The following HDAC9 variants were observed in gnomAD, a reference collection of about 807,000 sequenced individuals.
HDAC9 encodes the protein MEF-2 interacting transcription repressor (MITR) protein.
A neutral mutation model predicts 139.4 loss-of-function variants in HDAC9; 41 were observed. The observed-to-expected ratio is 0.29, with a 90% confidence interval of 0.23 to 0.38. The LOEUF (loss-of-function observed/expected upper bound fraction) is 0.38. Ranked by LOEUF, HDAC9 falls within the 10% of genes least tolerant of loss-of-function variation. HDAC9 has a pLI of 1.00. For missense variants in HDAC9, 1,147 were observed against 1,297.0 expected, an observed-to-expected ratio of 0.88 and a Z score of 1.78; for synonymous variants, 517 against 476.2, an observed-to-expected ratio of 1.09 and a Z score of -1.12.
At chr7:18,904,598 T>TTG (rs1491166667) in intron 22 of HDAC9, among the ~76,000 whole-genome samples, 2 of 88,218 alleles carry the variant, frequency 2.3e-5, no homozygotes, top group East Asian at 7.6e-4. Context: ...TTTTTTTTTT[T>TTG]AGATGGAGTC....
chr7:18,932,171 T>G (rs1363746160), intron 22 of HDAC9, among the ~76,000 whole-genome samples: 2 of 152,184 alleles, frequency 1.3e-5, no homozygotes, highest in Non-Finnish European at 2.9e-5. Flanking sequence ...AAAATTCAAT[T>G]GATTTAAAAA....
intron 2 of HDAC9, among the ~76,000 whole-genome samples, chr7:18,225,304 C>A (rs1792980325): frequency 6.6e-6 from 1 of 152,158 alleles, no homozygotes; most frequent in African/African-American, 2.4e-5. Context: ...TGCACTACCT[C>A]TTTTTATGAA....
At chr7:18,303,375 TTGTGTGTGTGTGTGTGTGTGTGTG>T (rs71014320) in intron 1 of HDAC9, among the ~76,000 whole-genome samples, 3,668 of 127,784 alleles carry the variant, frequency 0.029, 70 homozygotes, top group Middle Eastern at 0.086. Flanking sequence ...CCCAGCCAAT[TTGTGTGTGTGTGTGTGTGTGTGTG>T]TGTGTGTGTG....
chr7:18,791,481 T>C (rs1195908847), intron 16 of HDAC9, among the ~76,000 whole-genome samples: 2 of 152,180 alleles, frequency 1.3e-5, no homozygotes, highest in Non-Finnish European at 2.9e-5. Flanking sequence ...TACACAAAGC[T>C]TAAACAACTA....
chr7:18,522,967 C>T (rs1393720657), intron 2 of HDAC9, among the ~76,000 whole-genome samples: 1 of 152,096 alleles, frequency 6.6e-6, no homozygotes, highest in African/African-American at 2.4e-5. Flanking sequence ...AGCACATTGT[C>T]TAGAGTGGAG....
At chr7:18,668,542 AT>A (rs945145158) in intron 12 of HDAC9, 2 of 976,728 alleles carry the variant, frequency 2.0e-6, no homozygotes, top group African/African-American at 3.5e-5. Context: ...AAAAAAAACT[AT>A]TTTTTATAAT....
intron 13 of HDAC9, among the ~76,000 whole-genome samples, chr7:18,731,405 C>T (rs990814226): frequency 6.6e-6 from 1 of 152,114 alleles, no homozygotes; most frequent in Non-Finnish European, 1.5e-5. Flanking sequence ...AGTTATTTAA[C>T]ACAAAAGTCA....
intron 12 of HDAC9, among the ~76,000 whole-genome samples, chr7:18,700,598 A>G (rs1783399527): frequency 1.3e-5 from 2 of 152,236 alleles, no homozygotes; most frequent in Admixed American, 1.3e-4. Context: ...TCAGCCCAAA[A>G]CATAATGAAA....
At chr7:18,400,554 A>C (rs1787446261) in intron 1 of HDAC9, among the ~76,000 whole-genome samples, 1 of 152,150 alleles carries the variant, frequency 6.6e-6, no homozygotes, top group South Asian at 2.1e-4. Context: ...GATAGCCGGG[A>C]GGTATGAATG....
At chr7:18,232,039 A>ACCT (rs2128184073) in intron 2 of HDAC9, among the ~76,000 whole-genome samples, 1 of 152,342 alleles carries the variant, frequency 6.6e-6, no homozygotes, top group Admixed American at 6.5e-5. Context: ...TGCATTTGTG[A>ACCT]TTTTTGTTGC....
At chr7:18,099,226 G>A (rs1453952081) in intron 1 of HDAC9, among the ~76,000 whole-genome samples, 2 of 152,112 alleles carry the variant, frequency 1.3e-5, no homozygotes, top group Non-Finnish European at 2.9e-5. Flanking sequence ...TTGGGAGGCC[G>A]AGGCAGGTGT....
chr7:18,759,246 T>C (rs908866783), intron 14 of HDAC9, among the ~76,000 whole-genome samples: 6 of 152,096 alleles, frequency 3.9e-5, no homozygotes, highest in African/African-American at 1.4e-4. Flanking sequence ...CACGGACCAC[T>C]ACTGGTCCAT....
chr7:18,975,638 T>G (rs756322597), intron 24 of HDAC9, among the ~76,000 whole-genome samples, 168 bp from the exon 25 acceptor site: 2 of 152,190 alleles, frequency 1.3e-5, no homozygotes, highest in Non-Finnish European at 2.9e-5. Flanking sequence ...TTGGCATTCT[T>G]ATATTGAGAA....
intron 23 of HDAC9, among the ~76,000 whole-genome samples, chr7:18,946,036 CAAAAAAAAAAAAAAAAAAAAAA>C (rs1171055959): frequency 2.4e-4 from 9 of 38,274 alleles, no homozygotes; most frequent in East Asian, 1.5e-3. Context: ...GACTCCGTCT[CAAAAAAAAAAAAAAAAAAAAAA>C]AAAAAAAAAA....
At chr7:18,917,416 A>G (rs1032585460) in intron 22 of HDAC9, among the ~76,000 whole-genome samples, 2 of 152,030 alleles carry the variant, frequency 1.3e-5, no homozygotes, top group African/African-American at 4.8e-5. Flanking sequence ...AAAATCTCAC[A>G]AATAAATTGA....
Position 18,998,113 on chromosome 7 carries a change from A to C in HDAC9, c.*2051A>C, listed in dbSNP as rs1228219665. The C allele has an allele frequency of 6.6e-6, 1 of 151,960 alleles. No homozygotes were observed. Among genetic ancestry groups the C allele is most frequent in the Non-Finnish European group, 1.5e-5 (1 of 67,988 alleles). The allele number at this position is 151,960 out of a possible 1,614,324, so 9.4% of individuals were successfully genotyped here. A position where few individuals can be genotyped will look rare whatever the true frequency, so the allele number is the denominator to read the frequency against. ...AGTAGAGCCAAAGGCTTAACAAAAG[A>C]CTCTCCCCCATTTTAAAAAGGAAAC... On this transcript the variant is annotated 3_prime_UTR_variant, in exon 26 of 26. Coordinates refer to ENST00000686413, the MANE Select transcript of HDAC9 (RefSeq NM_178425.4).
chr7:18,159,220 A>G (rs1366864418), intron 1 of HDAC9, among the ~76,000 whole-genome samples: 2 of 152,170 alleles, frequency 1.3e-5, no homozygotes, highest in Admixed American at 1.3e-4. Flanking sequence ...CTTCTATTAC[A>G]TGTTTTGATA....
intron 2 of HDAC9, among the ~76,000 whole-genome samples, chr7:18,166,260 GTTTT>G: frequency 1.3e-5 from 2 of 152,316 alleles, no homozygotes; most frequent in Non-Finnish European, 2.9e-5. Context: ...TGTAACATTA[GTTTT>G]CAAAGCCCCT....
At chr7:18,614,423 C>A (rs980133103) in intron 6 of HDAC9, among the ~76,000 whole-genome samples, 3 of 152,056 alleles carry the variant, frequency 2.0e-5, no homozygotes, top group Non-Finnish European at 4.4e-5. Flanking sequence ...GTTCTTTTGT[C>A]CACTCTGTCA....
Sources: allele counts gnomAD v4.1 joint callset (sites outside exome capture counted in the v4.1 genomes callset), GRCh38; gene constraint gnomAD v4.1.1; transcripts MANE v1.5; gene names NCBI Gene and HGNC (gene_info 2026-07-23, HGNC 2026-07-21).